The following PPP1R12B variants were observed in gnomAD, a reference collection of about 807,000 sequenced individuals.
The protein encoded by PPP1R12B is myosin phosphatase target subunit 2.
In PPP1R12B, 76 loss-of-function variants were observed where a neutral mutation model predicts 126.1. The ratio of observed to expected loss-of-function variants is 0.60; its 90% CI spans 0.50 to 0.73. The LOEUF is 0.73. Among genes scored for constraint, PPP1R12B ranks in the 30% least tolerant of loss-of-function variants. PPP1R12B has a pLI of 0.00. For missense variants in PPP1R12B, 1,052 were observed against 1,205.1 expected, an observed-to-expected ratio of 0.87 and a Z score of 1.88; for synonymous variants, 356 against 434.7, an observed-to-expected ratio of 0.82 and a Z score of 2.25.
At chr1:202,575,645 G>C (rs981433832) in intron 23 of PPP1R12B, 1 of 152,744 alleles carries the variant, frequency 6.5e-6, no homozygotes, top group Non-Finnish European at 1.5e-5. Context: ...GAAACATCTA[G>C]GAGCTTTTAA....
intron 1 of PPP1R12B, among the ~76,000 whole-genome samples, chr1:202,356,248 A>G (rs566006586): frequency 3.0e-4 from 45 of 152,120 alleles, no homozygotes; most frequent in Non-Finnish European, 4.7e-4. Flanking sequence ...AAGGCTAGTC[A>G]CTTTCCTATC....
chr1:202,495,824 G>A (rs1679484475), intron 17 of PPP1R12B, 142 bp downstream of exon 17: 1 of 719,086 alleles, frequency 1.4e-6, no homozygotes, highest in East Asian at 2.7e-5. Context: ...AGAGAAGAAA[G>A]ACCTAACTAG....
intron 18 of PPP1R12B, among the ~76,000 whole-genome samples, chr1:202,544,883 A>G (rs1247603822): frequency 1.3e-5 from 2 of 152,252 alleles, no homozygotes; most frequent in Non-Finnish European, 2.9e-5. Context: ...TGTTGCCTTC[A>G]TGAGAGCTTG....
At chr1:202,462,315 C>G (rs116062217) in intron 13 of PPP1R12B, among the ~76,000 whole-genome samples, 1 of 151,944 alleles carries the variant, frequency 6.6e-6, no homozygotes, top group Non-Finnish European at 1.5e-5. Context: ...TTCTTTTTTC[C>G]GTATTTCTGT....
At chr1:202,517,237 C>A (rs577864116) in intron 18 of PPP1R12B, among the ~76,000 whole-genome samples, 1 of 152,078 alleles carries the variant, frequency 6.6e-6, no homozygotes, top group Non-Finnish European at 1.5e-5. Flanking sequence ...CCAGCTCTCC[C>A]CTCCCAAATT....
At chr1:202,386,122 A>T (rs146516278) in intron 1 of PPP1R12B, among the ~76,000 whole-genome samples, 2,778 of 151,238 alleles carry the variant, frequency 0.018, 44 homozygotes, top group Non-Finnish European at 0.029. Flanking sequence ...TTCGGTAGAG[A>T]CGGGGTTTCA....
At chr1:202,395,815 C>T (rs182863225) in intron 1 of PPP1R12B, among the ~76,000 whole-genome samples, 14 of 152,324 alleles carry the variant, frequency 9.2e-5, no homozygotes, top group African/African-American at 2.9e-4. Context: ...TTGAACTTAT[C>T]TGGCAACGTC....
rs1298669655 is a variant in PPP1R12B, at chr1:202,508,468, C to T, written c.2490+11646C>T. Among the ~76,000 whole-genome samples the T allele has an allele frequency of 7.2e-5, 11 of 152,144 alleles. No individual in the cohort carries two copies. Among genetic ancestry groups the T allele is most frequent in the Middle Eastern group, 3.2e-3 (1 of 316 alleles). ...TGGCAAATTAATACCTAGCATAATA[C>T]ATAATACAAGTACTTATTATGGTCT... On this transcript the variant is annotated intron_variant, in intron 18 of 23. Transcript: ENST00000608999. This position sits in a 1 kb window ranked among gnomAD's most constrained non-coding sequence, Gnocchi z 4.5.
intron 18 of PPP1R12B, among the ~76,000 whole-genome samples, chr1:202,526,543 A>T (rs1683367090): frequency 6.6e-6 from 1 of 152,140 alleles, no homozygotes; most frequent in Non-Finnish European, 1.5e-5. Context: ...TAGTTTTGCC[A>T]AGCACTATGA....
chr1:202,368,956 A>G (rs1571627942), intron 1 of PPP1R12B, among the ~76,000 whole-genome samples: 1 of 152,120 alleles, frequency 6.6e-6, no homozygotes, highest in African/African-American at 2.4e-5. Flanking sequence ...GCCTCAAGCA[A>G]TCCTCCCACT....
chr1:202,441,721 A>C (rs907210105), intron 11 of PPP1R12B, among the ~76,000 whole-genome samples: 1 of 152,142 alleles, frequency 6.6e-6, no homozygotes. Flanking sequence ...AGAGGCTTCC[A>C]GCAAGACTTC....
At chr1:202,497,200 T>C (rs2148862386) in intron 18 of PPP1R12B, among the ~76,000 whole-genome samples, 1 of 152,212 alleles carries the variant, frequency 6.6e-6, no homozygotes, top group East Asian at 1.9e-4. Flanking sequence ...GACATAAATG[T>C]GGAGAATGTA....
rs772556181 is a variant in PPP1R12B at position 202,511,771 on chromosome 1, ATTT to A, written c.2490+14969_2490+14971del. 1.3e-3 allele frequency among the ~76,000 whole-genome samples: 145 copies of A among 107,836 alleles called. 1 individual carries two copies. The highest frequency in any genetic ancestry group is 3.8e-3 in the African/African-American group (107 of 28,118). The allele number at this position is 107,836 out of a possible 152,430, so 70.7% of individuals were successfully genotyped here. The stretch of plus-strand genomic sequence containing the variant: ...TATTCCATGATGTATATATACCACA[ATTT>A]TTTTTTTTTTTTTTTTTTTGAGATG... On this transcript the variant is annotated intron_variant, in intron 18 of 23. Transcript: ENST00000608999.
intron 18 of PPP1R12B, among the ~76,000 whole-genome samples, chr1:202,510,391 C>T (rs186589513): frequency 4.1e-4 from 63 of 152,176 alleles, no homozygotes; most frequent in East Asian, 1.3e-3. Flanking sequence ...ATGGTGGTAG[C>T]GGGTGGAAGT....
intron 1 of PPP1R12B, among the ~76,000 whole-genome samples, chr1:202,358,465 G>A (rs1352845946): frequency 6.6e-6 from 1 of 152,122 alleles, no homozygotes; most frequent in Non-Finnish European, 1.5e-5. Context: ...GGCAGATCAC[G>A]AGGTCAGGAG....
At chr1:202,511,061 TAA>T (rs1326416183) in intron 18 of PPP1R12B, among the ~76,000 whole-genome samples, 1 of 147,040 alleles carries the variant, frequency 6.8e-6, no homozygotes, top group Non-Finnish European at 1.5e-5. Context: ...TAATAATATA[TAA>T]TATATATTAT....
chr1:202,438,404 G>A (rs767192991), intron 10 of PPP1R12B: 209 of 577,272 alleles, frequency 3.6e-4, no homozygotes, highest in Non-Finnish European at 4.8e-4. Context: ...GCATGGCTTC[G>A]TGTGCTGAAC....
At chr1:202,398,826 C>G (rs1022065497) in intron 1 of PPP1R12B, among the ~76,000 whole-genome samples, 2 of 152,120 alleles carry the variant, frequency 1.3e-5, no homozygotes, top group Admixed American at 1.3e-4. Context: ...TTTGGTGAAG[C>G]CTTTTGATGA....
At chr1:202,529,670 C>T (rs1474032772) in intron 18 of PPP1R12B, among the ~76,000 whole-genome samples, 1 of 152,156 alleles carries the variant, frequency 6.6e-6, no homozygotes, top group Admixed American at 6.5e-5. Context: ...TTTCAAGAAA[C>T]TGATCGTTAT....
Sources: gnomAD v4.1 joint callset for allele counts (sites outside exome capture counted in the v4.1 genomes callset) on GRCh38, gnomAD v4.1.1 for gene constraint, Gnocchi (gnomAD v3.1) non-coding constraint, MANE v1.5 for transcripts, NCBI Gene and HGNC (gene_info 2026-07-23, HGNC 2026-07-21) for gene names.